The following SNTG1 variants were observed in gnomAD, a reference collection of about 807,000 sequenced individuals.
The protein encoded by SNTG1 is gamma-1-syntrophin.
Under a neutral mutation model 74.7 loss-of-function variants are expected in SNTG1, and 39 were observed. The observed-to-expected ratio is 0.52, with a 90% CI of 0.40 to 0.68. SNTG1 has a LOEUF of 0.68. Ranked by LOEUF, SNTG1 falls within the 30% of genes least tolerant of loss-of-function variation. The probability of loss-of-function intolerance (pLI) is 0.00; values close to 1 mark genes in which losing one functional copy is unlikely to be tolerated. For missense variants in SNTG1, 685 were observed against 609.5 expected, an observed-to-expected ratio of 1.12 and a Z score of -1.30; for synonymous variants, 254 against 217.1, an observed-to-expected ratio of 1.17 and a Z score of -1.49.
At chr8:50,299,055 A>G (rs1376368712) in intron 2 of SNTG1, among the ~76,000 whole-genome samples, 2 of 152,216 alleles carry the variant, frequency 1.3e-5, no homozygotes, top group African/African-American at 4.8e-5. Context: ...ATGGAAACAA[A>G]TCAAATAAAG....
At position 50,109,928 on chromosome 8, in the gene SNTG1, C is replaced by A. The variant is rs563813759; in HGVS notation, c.-102-62633C>A. On this transcript the variant is annotated intron_variant, in intron 1 of 18. Transcript: ENST00000642720. ...GTCTTAAGTCACCACCTTTTTCTTT[C>A]TCTAGTTTTCCCACTTCTGTCTTAA... Among the ~76,000 whole-genome samples the A allele has an allele frequency of 5.9e-5, 9 of 152,194 alleles. No homozygotes were observed. The East Asian group carries it at 1.2e-3, about 20-fold the overall frequency.
At chr8:50,777,681 C>G (rs1355649096) in intron 18 of SNTG1, among the ~76,000 whole-genome samples, 1 of 150,762 alleles carries the variant, frequency 6.6e-6, no homozygotes, top group Admixed American at 6.6e-5. Context: ...TTTTCTCTCT[C>G]TCTCTTTTTT....
intron 1 of SNTG1, among the ~76,000 whole-genome samples, chr8:49,937,439 T>C (rs530922063): frequency 6.6e-6 from 1 of 152,332 alleles, no homozygotes; most frequent in African/African-American, 2.4e-5. Context: ...CAGTTTGTTA[T>C]ATGTGAATTA....
chr8:50,274,109 A>G (rs1434137059), intron 2 of SNTG1, among the ~76,000 whole-genome samples: 1 of 151,980 alleles, frequency 6.6e-6, no homozygotes, highest in Non-Finnish European at 1.5e-5. Flanking sequence ...TGCTTTTGAG[A>G]TGGAGTCTCG....
At chr8:50,348,719 A>G (rs1390728082) in intron 2 of SNTG1, among the ~76,000 whole-genome samples, 1 of 152,242 alleles carries the variant, frequency 6.6e-6, no homozygotes. Flanking sequence ...CAAGTAAAGT[A>G]TAATAACACT....
In SNTG1 at chr8:50,198,550, G is replaced by C. The variant is rs913107628; in HGVS notation, c.-28+25915G>C. On this transcript the variant is annotated intron_variant, in intron 2 of 18. Coordinates refer to ENST00000642720, the MANE Select transcript of SNTG1 (RefSeq NM_018967.5). ...GCAAGCCCTGATGATTTACCTTTGTGACAGGTGACAGACACTCAGGAAGTT... is the reference window on the plus strand; with the variant it reads ...GCAAGCCCTGATGATTTACCTTTGTCACAGGTGACAGACACTCAGGAAGTT... 1.7e-4 allele frequency among the ~76,000 whole-genome samples: 26 copies of C among 152,160 alleles called. 1 individual carries two copies. Among genetic ancestry groups the C allele is most frequent in the Non-Finnish European group, 3.4e-4 (23 of 68,034 alleles).
chr8:50,080,646 G>T (rs1349687636), intron 1 of SNTG1, among the ~76,000 whole-genome samples: 1 of 152,022 alleles, frequency 6.6e-6, no homozygotes, highest in Non-Finnish European at 1.5e-5. Flanking sequence ...TATGTTAGGG[G>T]TTGGCAAACA....
intron 1 of SNTG1, among the ~76,000 whole-genome samples, chr8:50,106,659 G>A (rs566016268): frequency 4.8e-4 from 73 of 152,258 alleles, no homozygotes; most frequent in African/African-American, 1.7e-3. Context: ...TGCATCTCTT[G>A]AGATGATCGT....
chr8:50,072,965 C>T (rs1821504743), intron 1 of SNTG1, among the ~76,000 whole-genome samples: 1 of 152,068 alleles, frequency 6.6e-6, no homozygotes, highest in African/African-American at 2.4e-5. Context: ...ACATTTATAC[C>T]AGTGGAGGGT....
At chr8:50,729,955 G>A (rs535550080) in intron 17 of SNTG1, among the ~76,000 whole-genome samples, 1 of 152,244 alleles carries the variant, frequency 6.6e-6, no homozygotes, top group Middle Eastern at 3.4e-3. Context: ...GAGCAGCTGG[G>A]AGATGGGAGT....
chr8:50,391,538 T>C (rs1365074020), intron 2 of SNTG1, among the ~76,000 whole-genome samples: 2 of 152,176 alleles, frequency 1.3e-5, no homozygotes, highest in Admixed American at 6.5e-5. Flanking sequence ...TTCTCTTTTT[T>C]TGTTGTGTCT....
intron 1 of SNTG1, among the ~76,000 whole-genome samples, chr8:50,014,596 G>A (rs181418902): frequency 2.0e-5 from 3 of 152,278 alleles, no homozygotes; most frequent in African/African-American, 7.2e-5. Context: ...AGGAAGTGAA[G>A]GCTAGTCTGT....
chr8:50,345,807 T>A (rs2091456035), intron 2 of SNTG1, among the ~76,000 whole-genome samples: 2 of 152,220 alleles, frequency 1.3e-5, no homozygotes, highest in Admixed American at 1.3e-4. Flanking sequence ...AAATAATGCT[T>A]TTCCTCCAAG....
intron 9 of SNTG1, among the ~76,000 whole-genome samples, chr8:50,522,114 A>T (rs1396281552): frequency 6.6e-6 from 1 of 152,200 alleles, no homozygotes; most frequent in Non-Finnish European, 1.5e-5. Flanking sequence ...TCCCTGTATT[A>T]AATATATTTC....
At chr8:50,142,942 C>T (rs1302072744) in intron 1 of SNTG1, among the ~76,000 whole-genome samples, 1 of 151,768 alleles carries the variant, frequency 6.6e-6, no homozygotes, top group Non-Finnish European at 1.5e-5. Context: ...GGTCTGGTGG[C>T]GGGCACCTGT....
At chr8:50,564,256 C>T (rs986340253) in intron 12 of SNTG1, among the ~76,000 whole-genome samples, 2 of 151,828 alleles carry the variant, frequency 1.3e-5, no homozygotes, top group African/African-American at 4.8e-5. Context: ...ATATAATTAA[C>T]TTTGTATTAT....
At chr8:50,149,808 GT>G (rs1465681471) in intron 1 of SNTG1, among the ~76,000 whole-genome samples, 1 of 152,184 alleles carries the variant, frequency 6.6e-6, no homozygotes, top group Non-Finnish European at 1.5e-5. Flanking sequence ...TTGCAGTATA[GT>G]TTGAAGTCAG....
intron 4 of SNTG1, among the ~76,000 whole-genome samples, chr8:50,435,238 G>T (rs1216936925): frequency 6.6e-6 from 1 of 152,038 alleles, no homozygotes; most frequent in Admixed American, 6.6e-5. Flanking sequence ...CGAAAAAGAA[G>T]ATTAAATAAA....
intron 9 of SNTG1, among the ~76,000 whole-genome samples, chr8:50,511,215 G>A (rs1367848256): frequency 1.3e-5 from 2 of 152,202 alleles, no homozygotes; most frequent in Non-Finnish European, 2.9e-5. Flanking sequence ...TTTCCATGTA[G>A]TTGAGCGGTT....
Sources: gnomAD v4.1 joint callset for allele counts (sites outside exome capture counted in the v4.1 genomes callset) on GRCh38, gnomAD v4.1.1 for gene constraint, MANE v1.5 for transcripts, NCBI Gene and HGNC (gene_info 2026-07-23, HGNC 2026-07-21) for gene names.